RMND5A: variants seen among roughly 807,000 people sequenced by gnomAD.
RMND5A encodes E3 ubiquitin-protein transferase RMND5A.
A neutral mutation model predicts 49.7 loss-of-function variants in RMND5A; 17 were observed. The observed-to-expected ratio is 0.34, with a 90% confidence interval of 0.23 to 0.51. RMND5A has a LOEUF of 0.51. RMND5A is among the 20% of genes least tolerant of loss of function. The pLI, the probability that RMND5A is intolerant of heterozygous loss-of-function variation, is 0.96. For synonymous variants in RMND5A, 156 were observed against 167.7 expected (o/e 0.93, Z 0.54); for missense variants, 255 against 471.3 (o/e 0.54, Z 4.25).
Position 86,748,808 on chromosome 2 carries a change from G to A in RMND5A, c.286-3088G>A, listed in dbSNP as rs189661657. Among the ~76,000 whole-genome samples, 186 of 152,292 alleles carry A rather than the reference G, an allele frequency of 1.2e-3. 1 individual carries two copies. Among genetic ancestry groups the A allele is most frequent in the Middle Eastern group, 6.8e-3 (2 of 294 alleles). ...TGATCTGTGCTTTGAGCTGACCAGC[G>A]TGTCTTCCAGCGTTGTTTTATTTTT... On this transcript the variant is annotated intron_variant, in intron 2 of 8. Coordinates refer to ENST00000283632, the MANE Select transcript of RMND5A (RefSeq NM_022780.4).
intron 8 of RMND5A, among the ~76,000 whole-genome samples, chr2:86,772,866 C>G (rs547682513): frequency 6.6e-6 from 1 of 151,626 alleles, no homozygotes; most frequent in African/African-American, 2.4e-5. Flanking sequence ...GTGTGAGCCA[C>G]CTTGCCTGGC....
At chr2:86,757,638 T>C (rs577197156) in intron 4 of RMND5A, among the ~76,000 whole-genome samples, 1 of 152,272 alleles carries the variant, frequency 6.6e-6, no homozygotes, top group Non-Finnish European at 1.5e-5. Context: ...AACATACATA[T>C]TGAAAGAAAG....
At chr2:86,769,970 C>T (rs748556063) in intron 6 of RMND5A, 53 bp from the exon 7 acceptor site, 6 of 1,326,592 alleles carry the variant, frequency 4.5e-6, no homozygotes, top group Non-Finnish European at 5.4e-6. Flanking sequence ...CTCCTTGGAC[C>T]AAGCGGCCTG....
At chr2:86,756,664 TTAC>T (rs1347191150) in intron 4 of RMND5A, among the ~76,000 whole-genome samples, 1 of 152,220 alleles carries the variant, frequency 6.6e-6, no homozygotes, top group Non-Finnish European at 1.5e-5. Flanking sequence ...AAAATTCCCT[TTAC>T]TCAACTTACA....
intron 2 of RMND5A, among the ~76,000 whole-genome samples, chr2:86,745,278 A>G (rs1370661451): frequency 6.6e-6 from 1 of 152,190 alleles, no homozygotes; most frequent in Non-Finnish European, 1.5e-5. Context: ...CACATACTAC[A>G]TGTCCTTTAT....
chr2:86,758,682 G>A (rs1681789852), intron 4 of RMND5A, among the ~76,000 whole-genome samples: 1 of 152,170 alleles, frequency 6.6e-6, no homozygotes, highest in South Asian at 2.1e-4. Flanking sequence ...CATGTGAAAA[G>A]GACAGAGACT....
chr2:86,721,274 C>T (rs1159544926), intron 1 of RMND5A, among the ~76,000 whole-genome samples: 1 of 151,900 alleles, frequency 6.6e-6, no homozygotes, highest in Non-Finnish European at 1.5e-5. Flanking sequence ...CTGTGCCGCC[C>T]CGAATCCTTG....
intron 6 of RMND5A, 142 bp downstream of exon 6, chr2:86,766,166 C>A: frequency 1.3e-6 from 1 of 749,716 alleles, no homozygotes; most frequent in Non-Finnish European, 2.2e-6. Context: ...AAAGATATCA[C>A]AATTGGCAGT....
intron 4 of RMND5A, among the ~76,000 whole-genome samples, chr2:86,761,221 G>A (rs1338929457): frequency 1.3e-5 from 2 of 152,128 alleles, no homozygotes; most frequent in Non-Finnish European, 2.9e-5. Flanking sequence ...TCATTAAGGC[G>A]GATGTTAACA....
chr2:86,757,097 C>T (rs1681753529), intron 4 of RMND5A, among the ~76,000 whole-genome samples: 1 of 149,222 alleles, frequency 6.7e-6, no homozygotes, highest in Admixed American at 6.7e-5. Context: ...TCGCTTGAAC[C>T]CGGGAGGCGG....
chr2:86,777,014 A>G lies in RMND5A; in HGVS notation c.*3603A>G, dbSNP rs772156504. The G allele has an allele frequency of 1.3e-5, 2 of 152,242 alleles. No individual in the cohort carries two copies. The highest frequency in any genetic ancestry group is 2.9e-5 in the Non-Finnish European group (2 of 68,054). The allele number at this position is 152,242 out of a possible 1,614,324, so 9.4% of individuals were successfully genotyped here. A position where few individuals can be genotyped will look rare whatever the true frequency, so the allele number is the denominator to read the frequency against. On this transcript the variant is annotated 3_prime_UTR_variant, in exon 9 of 9. Transcript: ENST00000283632. ...CTTCATGAACCGTTCTTAATGAACT[A>G]TAATTGAATAGATACCAAAAATAGA...
chr2:86,721,704 C>T (rs545907006), intron 1 of RMND5A, among the ~76,000 whole-genome samples: 5 of 151,366 alleles, frequency 3.3e-5, no homozygotes, highest in Admixed American at 3.3e-4. Context: ...TCCTTTTGAT[C>T]AAGAAGTGAA....
chr2:86,753,196 T>C (rs1331805886), intron 3 of RMND5A, among the ~76,000 whole-genome samples: 1 of 152,168 alleles, frequency 6.6e-6, no homozygotes, highest in Admixed American at 6.5e-5. Context: ...AGAGTGCATA[T>C]TTATGTTTCA....
chr2:86,773,274 C>G, intron 8 of RMND5A, 74 bp from the exon 9 acceptor site: 2 of 795,494 alleles, frequency 2.5e-6, no homozygotes, highest in Admixed American at 2.0e-5. Flanking sequence ...TAAAGATACT[C>G]TATAACTAGA....
chr2:86,758,928 A>T (rs987889110), intron 4 of RMND5A, among the ~76,000 whole-genome samples: 1 of 152,190 alleles, frequency 6.6e-6, no homozygotes, highest in Non-Finnish European at 1.5e-5. Context: ...CACCAGGTCC[A>T]CACCTGTGGA....
chr2:86,771,719 G>A lies in RMND5A; in HGVS notation c.1112+7G>A, dbSNP rs1672688601. On this transcript the variant is annotated splice_region_variant and intron_variant, in intron 8 of 8. Transcript: ENST00000283632. ...AAATGTTTAATGGTAGCAAGTAAGT[G>A]TCTGACTTTTAAAAAATGTTAGCAA... 3 of 1,594,978 alleles carry A rather than the reference G, an allele frequency of 1.9e-6. No homozygotes were observed. Among genetic ancestry groups the A allele is most frequent in the African/African-American group, 2.7e-5 (2 of 74,386 alleles).
chr2:86,721,290 G>A (rs1006742727), intron 1 of RMND5A, among the ~76,000 whole-genome samples: 7 of 151,878 alleles, frequency 4.6e-5, no homozygotes, highest in Non-Finnish European at 1.0e-4. Context: ...CCTTGGCCAG[G>A]GGACTTCGTT....
At chr2:86,756,581 G>T (rs922242203) in intron 4 of RMND5A, among the ~76,000 whole-genome samples, 1 of 152,164 alleles carries the variant, frequency 6.6e-6, no homozygotes, top group African/African-American at 2.4e-5. Flanking sequence ...CAACAATTCA[G>T]ATTTTTCCAA....
chr2:86,771,451 G>A, intron 7 of RMND5A, 107 bp from the exon 8 acceptor site: 1 of 914,276 alleles, frequency 1.1e-6, no homozygotes, highest in Non-Finnish European at 1.6e-6. Context: ...TTACATTCAG[G>A]TGAATAGATC....
Sources: gnomAD v4.1 joint callset for allele counts (sites outside exome capture counted in the v4.1 genomes callset) on GRCh38, gnomAD v4.1.1 for gene constraint, MANE v1.5 for transcripts, NCBI Gene and HGNC (gene_info 2026-07-23, HGNC 2026-07-21) for gene names.